METTL15: variants seen among roughly 807,000 people sequenced by gnomAD.
The protein encoded by METTL15 is 12S rRNA N(4)-cytidine methyltransferase METTL15.
METTL15 carries 34 observed loss-of-function variants against 38.3 expected under a neutral mutation model. The ratio of observed to expected loss-of-function variants is 0.89; its 90% CI spans 0.68 to 1.18. The LOEUF is 1.18. Among genes scored for constraint, METTL15 ranks in the 50% most tolerant of loss-of-function variants. METTL15 has a pLI of 0.00. For missense variants in METTL15, 438 were observed against 498.4 expected (o/e 0.88, Z 1.15); for synonymous variants, 162 against 170.9 (o/e 0.95, Z 0.41).
At chr11:28,310,633 C>T (rs377277366) in intron 6 of METTL15, among the ~76,000 whole-genome samples, 53 of 152,188 alleles carry the variant, frequency 3.5e-4, no homozygotes, top group East Asian at 9.7e-4. Context: ...ACTCCAGTTA[C>T]GGATACATTT....
chr11:28,430,275 T>C (rs1213691475), intron 6 of METTL15, among the ~76,000 whole-genome samples: 3 of 97,018 alleles, frequency 3.1e-5, no homozygotes, highest in African/African-American at 8.0e-5. Flanking sequence ...GGGAGGGAGG[T>C]GGGGGGTCAG....
intron 5 of METTL15, among the ~76,000 whole-genome samples, chr11:28,405,492 T>G (rs964654374): frequency 4.6e-5 from 7 of 151,194 alleles, no homozygotes; most frequent in African/African-American, 1.7e-4. Flanking sequence ...AGAAAACTTT[T>G]TTCTCAGGTT....
intron 4 of METTL15, among the ~76,000 whole-genome samples, chr11:28,289,999 A>G (rs1856446103): frequency 6.6e-6 from 1 of 152,184 alleles, no homozygotes; most frequent in South Asian, 2.1e-4. Context: ...ATCAGCAGTA[A>G]TAAAATTACA....
chr11:28,405,037 T>C (rs1410047740), intron 5 of METTL15, among the ~76,000 whole-genome samples: 2 of 152,166 alleles, frequency 1.3e-5, no homozygotes, highest in Non-Finnish European at 2.9e-5. Flanking sequence ...TCTGAACATC[T>C]AGTTTAAATC....
At chr11:28,206,020 T>G (rs1285330155) in intron 3 of METTL15, among the ~76,000 whole-genome samples, 1 of 140,544 alleles carries the variant, frequency 7.1e-6, no homozygotes, top group Non-Finnish European at 1.5e-5. Context: ...CTTTGTCAGA[T>G]GAGTAGGTTG....
At position 28,117,235 on chromosome 11, in the gene METTL15, A is replaced by ATGTGTGTGTGTGTG. The variant is rs375202595; in HGVS notation, c.270+3643_270+3656dup. Among the ~76,000 whole-genome samples, 8 of 117,082 alleles carry ATGTGTGTGTGTGTG rather than the reference A, an allele frequency of 6.8e-5. No homozygotes were observed. The East Asian group carries it at 1.1e-3, about 16-fold the overall frequency. 76.8% of individuals were successfully genotyped at this position (117,082 alleles called of 152,430 possible). On this transcript the variant is annotated intron_variant, in intron 3 of 6. Coordinates refer to ENST00000407364, the MANE Select transcript of METTL15 (RefSeq NM_001113528.2). ...CATACATATATACACCTATATATGT[A>ATGTGTGTGTGTGTG]TGTGTGTGTGTGTGTGTGTGTGTGT...
intron 6 of METTL15, among the ~76,000 whole-genome samples, chr11:28,311,250 T>C (rs1192264070): frequency 6.6e-6 from 1 of 152,160 alleles, no homozygotes; most frequent in African/African-American, 2.4e-5. Flanking sequence ...AGGCAATAAA[T>C]ATTCAAATCA....
chr11:28,351,522 C>T (rs532356481), intron 3 of METTL15, among the ~76,000 whole-genome samples: 1 of 152,292 alleles, frequency 6.6e-6, no homozygotes, highest in South Asian at 2.1e-4. Context: ...CCAATCTCTA[C>T]CTCATTGGGA....
intron 6 of METTL15, among the ~76,000 whole-genome samples, chr11:28,480,650 C>G (rs532693692): frequency 6.6e-6 from 1 of 152,152 alleles, no homozygotes; most frequent in East Asian, 1.9e-4. Context: ...TAGAGAACTA[C>G]TGTCAGGGGT....
At chr11:28,410,881 T>G (rs1244712342) in intron 5 of METTL15, 1 of 152,018 alleles carries the variant, frequency 6.6e-6, no homozygotes, top group Admixed American at 6.6e-5. Flanking sequence ...CCCCAAAGAT[T>G]ACATAAAAAC....
At chr11:28,181,430 C>T (rs1365697763) in intron 3 of METTL15, among the ~76,000 whole-genome samples, 1 of 151,668 alleles carries the variant, frequency 6.6e-6, no homozygotes, top group Non-Finnish European at 1.5e-5. Flanking sequence ...CTGACAGAAC[C>T]CTGTGTGTGA....
intron 4 of METTL15, among the ~76,000 whole-genome samples, chr11:28,274,161 T>A (rs1855754127): frequency 2.0e-5 from 3 of 151,980 alleles, no homozygotes; most frequent in Admixed American, 2.0e-4. Flanking sequence ...AGCTAATTAA[T>A]TTGTGTTTAC....
At chr11:28,138,871 A>G (rs1332288517) in intron 3 of METTL15, among the ~76,000 whole-genome samples, 2 of 152,164 alleles carry the variant, frequency 1.3e-5, no homozygotes, top group Admixed American at 6.5e-5. Context: ...CTTGCATTCT[A>G]TCCTAAGGTA....
At chr11:28,222,993 A>G (rs548756038) in intron 4 of METTL15, among the ~76,000 whole-genome samples, 2 of 152,160 alleles carry the variant, frequency 1.3e-5, no homozygotes, top group Non-Finnish European at 2.9e-5. Flanking sequence ...TAATAATGGT[A>G]TAATACTGAA....
intron 5 of METTL15, among the ~76,000 whole-genome samples, chr11:28,382,683 A>G (rs1850400936): frequency 6.6e-6 from 1 of 151,892 alleles, no homozygotes; most frequent in South Asian, 2.1e-4. Flanking sequence ...TAAATACAAA[A>G]ACTTAGCCAG....
At chr11:28,373,292 G>C (rs1455761580) in intron 5 of METTL15, among the ~76,000 whole-genome samples, 2 of 151,982 alleles carry the variant, frequency 1.3e-5, no homozygotes, top group Non-Finnish European at 2.9e-5. Context: ...GTTGTTTCCT[G>C]ACTTTTTAAT....
chr11:28,489,013 A>G (rs984337690), intron 6 of METTL15, among the ~76,000 whole-genome samples: 1 of 152,132 alleles, frequency 6.6e-6, no homozygotes, highest in Non-Finnish European at 1.5e-5. Flanking sequence ...CCCACAGTAA[A>G]CATTGCTAAT....
chr11:28,427,615 G>T (rs1405514346), intron 6 of METTL15, among the ~76,000 whole-genome samples: 7 of 152,124 alleles, frequency 4.6e-5, no homozygotes, highest in African/African-American at 1.4e-4. Context: ...TCTTTGAGCA[G>T]TGGTTTGTAG....
intron 5 of METTL15, among the ~76,000 whole-genome samples, chr11:28,364,145 G>T (rs191410638): frequency 1.3e-5 from 2 of 152,070 alleles, no homozygotes; most frequent in Non-Finnish European, 2.9e-5. Flanking sequence ...TTTTGCTTAC[G>T]ATTGCTTTGG....
Sources: gnomAD v4.1 joint callset for allele counts (sites outside exome capture counted in the v4.1 genomes callset) on GRCh38, gnomAD v4.1.1 for gene constraint, MANE v1.5 for transcripts, NCBI Gene and HGNC (gene_info 2026-07-23, HGNC 2026-07-21) for gene names.